Variants in ZNF714 observed in about 807,000 individuals in gnomAD.
The protein encoded by ZNF714 is zinc finger protein 714.
ZNF714 carries 32 observed loss-of-function variants against 46.2 expected under a neutral mutation model. The observed-to-expected ratio is 0.69, with a 90% CI of 0.52 to 0.93. The LOEUF (loss-of-function observed/expected upper bound fraction) is 0.93, where lower values mean the gene tolerates loss of function less well. ZNF714 is among the 40% of genes least tolerant of loss of function. The probability of loss-of-function intolerance (pLI) is 0.00; values close to 1 mark genes in which losing one functional copy is unlikely to be tolerated. For missense variants in ZNF714, 635 were observed against 646.3 expected, an observed-to-expected ratio of 0.98 and a Z score of 0.19; for synonymous variants, 199 against 213.1, an observed-to-expected ratio of 0.93 and a Z score of 0.58.
At chr19:21,104,073 TGC>T (rs1389628884) in intron 4 of ZNF714, among the ~76,000 whole-genome samples, 44 of 135,688 alleles carry the variant, frequency 3.2e-4, no homozygotes, top group African/African-American at 1.5e-3. Context: ...TGAGTGTGAC[TGC>T]TTAAGATATC....
chr19:21,104,568 G>A (rs1282310330), intron 4 of ZNF714, among the ~76,000 whole-genome samples: 2 of 151,784 alleles, frequency 1.3e-5, no homozygotes, highest in African/African-American at 4.8e-5. Context: ...CCATTGTAAT[G>A]AGTGTGAGGC....
intron 2 of ZNF714, 121 bp from the exon 3 acceptor site, chr19:21,098,064 C>A: frequency 1.5e-6 from 2 of 1,376,038 alleles, no homozygotes; most frequent in South Asian, 1.6e-5. Flanking sequence ...TGGATAATTT[C>A]AGTTATTCTT....
chr19:21,112,536 A>ATTTT (rs34412157), intron 4 of ZNF714, among the ~76,000 whole-genome samples: 9,612 of 143,592 alleles, frequency 0.067, 362 homozygotes, highest in Non-Finnish European at 0.086. Flanking sequence ...GGATTCATTG[A>ATTTT]TTTTTTTTTT....
chr19:21,115,961 A>G (rs909688051), intron 4 of ZNF714, among the ~76,000 whole-genome samples: 1 of 151,536 alleles, frequency 6.6e-6, no homozygotes, highest in Non-Finnish European at 1.5e-5. Context: ...TTTAAAATTA[A>G]TATATACATC....
chr19:21,112,868 G>A (rs10403266), intron 4 of ZNF714, among the ~76,000 whole-genome samples: 89,567 of 129,278 alleles, frequency 0.69, 34,322 homozygotes, highest in East Asian at 0.86. Context: ...TGTCGCCCAG[G>A]CTGGAGTGCA....
At chr19:21,096,685 T>C (rs1969048917) in intron 2 of ZNF714, among the ~76,000 whole-genome samples, 2 of 152,136 alleles carry the variant, frequency 1.3e-5, no homozygotes, top group African/African-American at 4.8e-5. Flanking sequence ...AAGTGTTCCT[T>C]TTGTGGCTGC....
In ZNF714 at chr19:21,119,042, C is replaced by A; in HGVS notation, c.*710C>A. 1 of 409,438 alleles carries A rather than the reference C, an allele frequency of 2.4e-6. No homozygotes were observed. Among genetic ancestry groups the A allele is most frequent in the East Asian group, 8.0e-5 (1 of 12,564 alleles). The allele number at this position is 409,438 out of a possible 1,614,324, so 25.4% of individuals were successfully genotyped here. On this transcript the variant is annotated 3_prime_UTR_variant, in exon 5 of 5. Transcript: ENST00000456283. ...AAGCCATTAATATATGTTCATATCT[C>A]AACACCAGATAGTTCATACTTAATA...
chr19:21,093,997 TTTTG>T (rs1272858521), intron 2 of ZNF714, among the ~76,000 whole-genome samples: 2 of 152,200 alleles, frequency 1.3e-5, no homozygotes, highest in Non-Finnish European at 2.9e-5. Flanking sequence ...TGTTTTTGTT[TTTTG>T]TTTGTTTGAG....
chr19:21,083,813 G>C (rs917863119), intron 1 of ZNF714, among the ~76,000 whole-genome samples, 165 bp from the exon 2 acceptor site: 15 of 151,926 alleles, frequency 9.9e-5, no homozygotes, highest in African/African-American at 3.6e-4. Flanking sequence ...TTGGGTCAAG[G>C]TATTCCTTTG....
chr19:21,098,737 C>G, intron 3 of ZNF714, 75 bp from the exon 4 acceptor site: 1 of 914,324 alleles, frequency 1.1e-6, no homozygotes. Context: ...CTATTATATC[C>G]TTTTTACTGA....
rs561262047 is a variant in ZNF714 at position 21,125,078 on chromosome 19, CAA to C, written c.*6761_*6762del. On this transcript the variant is annotated 3_prime_UTR_variant, in exon 5 of 5. Coordinates refer to ENST00000456283, the MANE Select transcript of ZNF714 (RefSeq NM_182515.4). Reference sequence around the variant, plus strand: ...TCAACATGGAAAATCCCCGTCTCTACAAAAAAAAAAAAAAAATCTCAGCTGGG... The same window carrying C: ...TCAACATGGAAAATCCCCGTCTCTACAAAAAAAAAAAAAATCTCAGCTGGG... 31 of 89,080 alleles carry C rather than the reference CAA, an allele frequency of 3.5e-4. No individual in the cohort carries two copies. The highest frequency in any genetic ancestry group is 3.8e-4 in the Admixed American group (3 of 7,850). The allele number at this position is 89,080 out of a possible 1,614,324, so 5.5% of individuals were successfully genotyped here.
chr19:21,091,211 A>G (rs1968901702), intron 2 of ZNF714: 1 of 152,148 alleles, frequency 6.6e-6, no homozygotes, highest in Admixed American at 6.5e-5. Context: ...CTGCTATAAG[A>G]TAACTTCCAG....
At chr19:21,112,086 C>G (rs1969460888) in intron 4 of ZNF714, among the ~76,000 whole-genome samples, 2 of 152,110 alleles carry the variant, frequency 1.3e-5, no homozygotes, top group South Asian at 4.1e-4. Flanking sequence ...GTCTTGATAT[C>G]AGGATGATGC....
At chr19:21,113,392 G>A (rs1969508226) in intron 4 of ZNF714, among the ~76,000 whole-genome samples, 1 of 151,828 alleles carries the variant, frequency 6.6e-6, no homozygotes, top group South Asian at 2.1e-4. Flanking sequence ...TTGAGACAGA[G>A]TGTTACACTG....
intron 2 of ZNF714, among the ~76,000 whole-genome samples, chr19:21,085,825 T>G (rs1332750327): frequency 6.6e-6 from 1 of 151,932 alleles, no homozygotes; most frequent in Non-Finnish European, 1.5e-5. Flanking sequence ...GATAAAGTTG[T>G]TATTGTTTTG....
At chr19:21,086,312 T>G (rs1217422047) in intron 2 of ZNF714, among the ~76,000 whole-genome samples, 4 of 152,090 alleles carry the variant, frequency 2.6e-5, no homozygotes, top group Non-Finnish European at 5.9e-5. Context: ...ATATTCAGGG[T>G]GAGTCCACAC....
At chr19:21,108,144 A>G (rs1969366130) in intron 4 of ZNF714, among the ~76,000 whole-genome samples, 1 of 152,082 alleles carries the variant, frequency 6.6e-6, no homozygotes, top group Admixed American at 6.6e-5. Flanking sequence ...TCACTGTGTT[A>G]CTCAGGCTGG....
At chr19:21,082,752 C>T (rs1462472046) in intron 1 of ZNF714, among the ~76,000 whole-genome samples, 1 of 152,184 alleles carries the variant, frequency 6.6e-6, no homozygotes, top group African/African-American at 2.4e-5. Flanking sequence ...ACCGTTAAAA[C>T]ACTAAAGCAT....
chr19:21,095,717 G>A (rs1308320746), intron 2 of ZNF714, among the ~76,000 whole-genome samples: 1 of 152,034 alleles, frequency 6.6e-6, no homozygotes, highest in African/African-American at 2.4e-5. Flanking sequence ...GCCTCCCAAA[G>A]TGCTGGGATT....
Sources: gnomAD v4.1 joint callset for allele counts (sites outside exome capture counted in the v4.1 genomes callset) on GRCh38, gnomAD v4.1.1 for gene constraint, MANE v1.5 for transcripts, NCBI Gene and HGNC (gene_info 2026-07-23, HGNC 2026-07-21) for gene names.